Variants in MUC22 observed in about 807,000 individuals in gnomAD.
MUC22 encodes mucin-22.
MUC22 carries 24 observed loss-of-function variants against 40.3 expected under a neutral mutation model. That is an observed-to-expected ratio of 0.60 (90% CI 0.43 to 0.84). The LOEUF is 0.84. Ranked by LOEUF, MUC22 falls within the 40% of genes least tolerant of loss-of-function variation. The probability of loss-of-function intolerance (pLI) is 0.00; values close to 1 mark genes in which losing one functional copy is unlikely to be tolerated. For missense variants in MUC22, 1,926 were observed against 2,130.7 expected (o/e 0.90, Z 1.89); for synonymous variants, 765 against 844.5 (o/e 0.91, Z 1.63).
At chr6:31,025,399 TA>T in intron 1 of MUC22, 102 bp from the exon 2 acceptor site, 1 of 1,297,806 alleles carries the variant, frequency 7.7e-7, no homozygotes, top group Non-Finnish European at 1.0e-6. Context: ...ACTGAATAAA[TA>T]AATGAATAAG....
chr6:31,030,671 A>G (rs1490247837), intron 2 of MUC22, among the ~76,000 whole-genome samples: 1 of 152,042 alleles, frequency 6.6e-6, no homozygotes, highest in Non-Finnish European at 1.5e-5. Context: ...TCCTCCAGCA[A>G]GCCCGCCTCA....
chr6:31,026,032 GCAA>G (rs1765275656), exon 2 of MUC22: 1 of 1,527,618 alleles, frequency 6.5e-7, no homozygotes. Context: ...CACCTCCACT[GCAA>G]GCTCTGAGGC....
exon 4 of MUC22, chr6:31,035,011 A>C (rs1016225441): frequency 2.8e-6 from 4 of 1,438,630 alleles, no homozygotes; most frequent in Non-Finnish European, 3.7e-6. Context: ...GTGGCCATAG[A>C]TTGGGTATCA....
rs1162547085 is a variant in MUC22 at position 31,032,405 on chromosome 6, AG to A, written c.4880del (p.Ser1627ThrfsTer18). Reference sequence around the variant, plus strand: ...AGGATCCACCCGTGAGCCAACCAGCAGCACCTTCCAGGAAACAGGCCCGGTG... The same window carrying A: ...AGGATCCACCCGTGAGCCAACCAGCACACCTTCCAGGAAACAGGCCCGGTG... On this transcript the variant is annotated frameshift_variant, in exon 3 of 4. Coordinates refer to ENST00000561890, the Ensembl canonical transcript of MUC22. LOFTEE classifies it high-confidence loss of function. This position sits in a 1 kb window ranked among gnomAD's most constrained non-coding sequence, Gnocchi z 4.1. The A allele has an allele frequency of 9.8e-6, 15 of 1,535,644 alleles. No individual in the cohort carries two copies. The highest frequency in any genetic ancestry group is 2.7e-5 in the African/African-American group (2 of 73,056).
intron 1 of MUC22, among the ~76,000 whole-genome samples, chr6:31,024,074 G>A (rs1765081238): frequency 6.6e-6 from 1 of 152,178 alleles, no homozygotes; most frequent in Admixed American, 6.5e-5. Context: ...TAATCATGAT[G>A]AAACATTACA....
chr6:31,021,744 G>A (rs1297513426), intron 1 of MUC22, among the ~76,000 whole-genome samples: 5 of 152,126 alleles, frequency 3.3e-5, no homozygotes, highest in Non-Finnish European at 7.3e-5. Flanking sequence ...TCAGCACCCT[G>A]TCAAAACAGA....
Position 31,026,443 on chromosome 6 carries a change from A to G in MUC22, c.1012A>G (p.Thr338Ala), listed in dbSNP as rs1048202988. 7 of 1,507,574 alleles carry G rather than the reference A, an allele frequency of 4.6e-6. No individual in the cohort carries two copies. In the African/African-American group the frequency reaches 8.3e-5, roughly 18 times the overall value. The allele number at this position is 1,507,574 out of a possible 1,614,324, so 93.4% of individuals were successfully genotyped here. Residue 338 changes from threonine to alanine, a missense_variant, in exon 2 of 4, where the codon ACC becomes GCC. Physicochemically the swap from Thr to Ala is moderately conservative, Grantham distance 58. This residue lies in a region of MUC22 where 1,281 missense variants were observed against 1,337.8 expected (regional missense o/e 0.96). Coordinates refer to ENST00000561890, the Ensembl canonical transcript of MUC22. The stretch of plus-strand genomic sequence containing the variant: ...AGTCTCTAGTGCAGGCTCTGGGACC[A>G]CCACAGCTTCTATGGCAGGCTCTGA...
chr6:31,016,779 A>G (rs1327004792), intron 1 of MUC22, among the ~76,000 whole-genome samples: 1 of 152,186 alleles, frequency 6.6e-6, no homozygotes, highest in Non-Finnish European at 1.5e-5. Flanking sequence ...CTCAGCTTTC[A>G]GGGAGGTGTG....
upstream of MUC22, among the ~76,000 whole-genome samples, chr6:31,007,579 G>A (rs1432764636): frequency 4.6e-5 from 7 of 152,248 alleles, no homozygotes; most frequent in South Asian, 2.1e-4. This position sits in a 1 kb window ranked among gnomAD's most constrained non-coding sequence, Gnocchi z 4.0. Flanking sequence ...AATCTAAGCC[G>A]GTACAGGGTG....
At chr6:31,019,547 G>A (rs1380909403) in intron 1 of MUC22, among the ~76,000 whole-genome samples, 1 of 152,208 alleles carries the variant, frequency 6.6e-6, no homozygotes, top group African/African-American at 2.4e-5. Context: ...CAGTGGCCCA[G>A]AGAAGGATAT....
chr6:31,008,611 C>A (rs2530698), upstream of MUC22, among the ~76,000 whole-genome samples: 21,896 of 148,484 alleles, frequency 0.15, 1,689 homozygotes, highest in Admixed American at 0.2. Flanking sequence ...TGCAGTGGTG[C>A]GATCTTGGCT....
At position 31,021,218 on chromosome 6, in the gene MUC22, C is replaced by G. The variant is rs376241075; in HGVS notation, c.71-4284C>G. 7.6e-3 allele frequency among the ~76,000 whole-genome samples: 1,163 copies of G among 152,316 alleles called. 15 individuals carry two copies. Among genetic ancestry groups the G allele is most frequent in the African/African-American group, 0.026 (1,080 of 41,572 alleles). On this transcript the variant is annotated intron_variant, in intron 1 of 3. Transcript: ENST00000561890. Reference sequence around the variant, plus strand: ...GTGAGGACGTGGAGAGTCTTTATGTCTAGCTTAGGGATTGTAAATACACCA... The same window carrying G: ...GTGAGGACGTGGAGAGTCTTTATGTGTAGCTTAGGGATTGTAAATACACCA...
chr6:31,016,989 G>C (rs1285922613), intron 1 of MUC22, among the ~76,000 whole-genome samples: 1 of 152,246 alleles, frequency 6.6e-6, no homozygotes, highest in Non-Finnish European at 1.5e-5. Flanking sequence ...AGCAGTGCCA[G>C]CGGGTGCTGC....
intron 2 of MUC22, among the ~76,000 whole-genome samples, chr6:31,031,825 C>A (rs1264546118): frequency 1.4e-5 from 2 of 140,532 alleles, no homozygotes; most frequent in Admixed American, 7.3e-5. Context: ...TCATCCAGGT[C>A]ACTGCAAATG....
At chr6:31,029,706 C>T (rs1765871764) in exon 2 of MUC22, 2 of 1,534,074 alleles carry the variant, frequency 1.3e-6, no homozygotes, top group Non-Finnish European at 1.7e-6. Flanking sequence ...GCTCTGAGGC[C>T]ACCACCACCT....
upstream of MUC22, among the ~76,000 whole-genome samples, chr6:31,006,509 T>C (rs1763530923): frequency 6.6e-6 from 1 of 152,154 alleles, no homozygotes; most frequent in Non-Finnish European, 1.5e-5. Flanking sequence ...TGCCTGTCAT[T>C]GTACATTTGT....
intron 1 of MUC22, among the ~76,000 whole-genome samples, chr6:31,017,700 A>G (rs542967662): frequency 1.3e-5 from 2 of 152,268 alleles, no homozygotes; most frequent in Admixed American, 6.5e-5. Flanking sequence ...TTGTAAACAC[A>G]CCAATCAGCA....
exon 4 of MUC22, chr6:31,034,997 G>A: frequency 1.3e-6 from 2 of 1,484,214 alleles, no homozygotes; most frequent in South Asian, 2.6e-5. Flanking sequence ...AGGACAAGAT[G>A]GCTGTGGCCA....
chr6:31,034,006 A>T (rs1056022886), intron 3 of MUC22, among the ~76,000 whole-genome samples: 3 of 152,252 alleles, frequency 2.0e-5, no homozygotes, highest in African/African-American at 7.2e-5. Flanking sequence ...GAGAATAACG[A>T]AAGTGAACAT....
Sources: gnomAD v4.1 joint callset for allele counts (sites outside exome capture counted in the v4.1 genomes callset) on GRCh38, gnomAD v4.1.1 for gene constraint, gnomAD v4.1.1 regional missense constraint, Gnocchi (gnomAD v3.1) non-coding constraint, MANE v1.5 for transcripts, NCBI Gene and HGNC (gene_info 2026-07-23, HGNC 2026-07-21) for gene names.